SGCD: variants seen among roughly 807,000 people sequenced by gnomAD.
SGCD encodes the protein sarcoglycan delta.
SGCD carries 18 observed loss-of-function variants against 36.6 expected under a neutral mutation model. The ratio of observed to expected loss-of-function variants is 0.49; its 90% CI spans 0.34 to 0.73. The LOEUF (loss-of-function observed/expected upper bound fraction) is 0.73. SGCD is among the 30% of genes least tolerant of loss of function. The pLI, the probability that SGCD is intolerant of heterozygous loss-of-function variation, is 0.01. For missense variants in SGCD, 387 were observed against 346.7 expected, an observed-to-expected ratio of 1.12 and a Z score of -0.92; for synonymous variants, 133 against 130.6, an observed-to-expected ratio of 1.02 and a Z score of -0.12.
rs375896002 is a variant in SGCD, at chr5:156,730,079, G to A, written c.576-27502G>A. On this transcript the variant is annotated intron_variant, in intron 7 of 8. Coordinates refer to ENST00000337851, the MANE Select transcript of SGCD (RefSeq NM_000337.6). ...CCTTTCACAATTGTACCACAATATA[G>A]TCCAGACCTACACTAAAGACAATAT... Among the ~76,000 whole-genome samples, 55 of 150,560 alleles carry A rather than the reference G, an allele frequency of 3.7e-4. No individual in the cohort carries two copies. In the South Asian group the frequency reaches 4.0e-3, roughly 11 times the overall value.
the SGCD span, among the ~76,000 whole-genome samples, chr5:155,788,585 A>T: frequency 6.6e-6 from 1 of 152,276 alleles, no homozygotes; most frequent in South Asian, 2.1e-4. Context: ...TCACTTTAAG[A>T]TACTATGTCC....
At chr5:156,756,269 G>A (rs1489945509) in intron 7 of SGCD, among the ~76,000 whole-genome samples, 1 of 152,158 alleles carries the variant, frequency 6.6e-6, no homozygotes, top group African/African-American at 2.4e-5. Flanking sequence ...AAAATCAATT[G>A]GGTATGATGG....
intron 7 of SGCD, among the ~76,000 whole-genome samples, chr5:156,742,295 C>A (rs546555312): frequency 6.6e-6 from 1 of 152,250 alleles, no homozygotes; most frequent in Admixed American, 6.5e-5. Flanking sequence ...CCCACATGTC[C>A]ACATTTCTGC....
chr5:156,545,138 T>C (rs753232224), intron 4 of SGCD, among the ~76,000 whole-genome samples: 3 of 152,214 alleles, frequency 2.0e-5, no homozygotes, highest in Non-Finnish European at 4.4e-5. Flanking sequence ...TGTTTGTTTG[T>C]GTTTGTCCCA....
At chr5:156,355,234 A>G (rs774695489) in intron 3 of SGCD, among the ~76,000 whole-genome samples, 1 of 152,238 alleles carries the variant, frequency 6.6e-6, no homozygotes, top group African/African-American at 2.4e-5. Flanking sequence ...GCCTCACCAT[A>G]CAACAATTTT....
At chr5:156,269,327 G>A (rs746110749) in intron 3 of SGCD, among the ~76,000 whole-genome samples, 10 of 151,750 alleles carry the variant, frequency 6.6e-5, no homozygotes, top group East Asian at 1.9e-4. Flanking sequence ...AAAATTAGCC[G>A]GGCATGTTGG....
intron 3 of SGCD, among the ~76,000 whole-genome samples, chr5:156,430,206 G>T (rs6556611): frequency 0.77 from 117,424 of 152,030 alleles, 46,206 homozygotes; most frequent in African/African-American, 0.92. Flanking sequence ...ACTTTGTTCA[G>T]TTTTTAAAAC....
chr5:156,488,249 T>G (rs1352717528), intron 3 of SGCD, among the ~76,000 whole-genome samples: 1 of 151,808 alleles, frequency 6.6e-6, no homozygotes. Flanking sequence ...ATAGAAATCC[T>G]ATTTAATCAT....
intron 1 of SGCD, among the ~76,000 whole-genome samples, chr5:155,929,500 C>T (rs1490856569): frequency 6.6e-6 from 1 of 152,142 alleles, no homozygotes; most frequent in Non-Finnish European, 1.5e-5. Flanking sequence ...TTTATTTACA[C>T]ATCACATTTA....
intron 3 of SGCD, among the ~76,000 whole-genome samples, chr5:156,246,033 T>C (rs1765429648): frequency 1.3e-5 from 2 of 152,170 alleles, no homozygotes; most frequent in African/African-American, 2.4e-5. Context: ...ACAATATATT[T>C]ACATATGATA....
chr5:156,754,193 A>C (rs543577812), intron 7 of SGCD, among the ~76,000 whole-genome samples: 5 of 152,306 alleles, frequency 3.3e-5, no homozygotes, highest in African/African-American at 1.2e-4. Context: ...AGGCCTAGGC[A>C]GTGGGCAAGA....
intron 3 of SGCD, among the ~76,000 whole-genome samples, chr5:156,153,211 C>G (rs1762869749): frequency 6.6e-6 from 1 of 151,144 alleles, no homozygotes; most frequent in African/African-American, 2.5e-5. Flanking sequence ...AGATAAGTAG[C>G]CTTGCAAAGG....
the SGCD span, among the ~76,000 whole-genome samples, chr5:155,780,299 T>C: frequency 6.6e-6 from 1 of 152,188 alleles, no homozygotes. Context: ...GTTGTCTACA[T>C]ATCTGAGTAA....
At chr5:156,164,476 GT>G (rs150535799) in intron 3 of SGCD, among the ~76,000 whole-genome samples, 5,421 of 152,106 alleles carry the variant, frequency 0.036, 343 homozygotes, top group African/African-American at 0.12. Flanking sequence ...GTGAACCTTG[GT>G]GTCAGCATCA....
chr5:155,929,527 T>C (rs1757059138), intron 1 of SGCD, among the ~76,000 whole-genome samples: 2 of 152,120 alleles, frequency 1.3e-5, no homozygotes, highest in African/African-American at 4.8e-5. Flanking sequence ...ACTCTTAAGA[T>C]AGCTCAGCTC....
At chr5:155,743,383 T>C in the SGCD span, among the ~76,000 whole-genome samples, 1 of 152,166 alleles carries the variant, frequency 6.6e-6, no homozygotes, top group Non-Finnish European at 1.5e-5. Context: ...TTCTTCTAGC[T>C]CCTCAGTCTA....
At chr5:155,951,381 G>A (rs1350467894) in intron 1 of SGCD, among the ~76,000 whole-genome samples, 3 of 152,090 alleles carry the variant, frequency 2.0e-5, no homozygotes, top group Non-Finnish European at 4.4e-5. Context: ...ACCCAATGAT[G>A]TGGTTAAATC....
intron 3 of SGCD, among the ~76,000 whole-genome samples, chr5:156,484,153 C>T (rs990563768): frequency 2.6e-5 from 4 of 152,146 alleles, no homozygotes; most frequent in African/African-American, 4.8e-5. Context: ...CTCCAGTCAA[C>T]GACATTGTCA....
chr5:156,197,159 T>A (rs528945857), intron 3 of SGCD, among the ~76,000 whole-genome samples: 30 of 152,298 alleles, frequency 2.0e-4, no homozygotes, highest in African/African-American at 7.2e-4. Flanking sequence ...TTCTTAATGA[T>A]TCCCTTAGAA....
Sources: gnomAD v4.1 joint callset for allele counts (sites outside exome capture counted in the v4.1 genomes callset) on GRCh38, gnomAD v4.1.1 for gene constraint, MANE v1.5 for transcripts, NCBI Gene and HGNC (gene_info 2026-07-23, HGNC 2026-07-21) for gene names.